Variants in MAPT observed in about 807,000 individuals in gnomAD.
MAPT encodes the protein microtubule associated protein tau.
Under a neutral mutation model 67.9 loss-of-function variants are expected in MAPT, and 34 were observed. The observed-to-expected ratio is 0.50, with a 90% CI of 0.38 to 0.67. The LOEUF (loss-of-function observed/expected upper bound fraction) is 0.67, where lower values mean the gene tolerates loss of function less well. MAPT is among the 30% of genes least tolerant of loss of function. The pLI, the probability that MAPT is intolerant of heterozygous loss-of-function variation, is 0.00. For synonymous variants in MAPT, 456 were observed against 464.5 expected (o/e 0.98, Z 0.23); for missense variants, 881 against 1,115.2 (o/e 0.79, Z 2.99).
chr17:46,005,321 T>C (rs2075338610), intron 9 of MAPT, among the ~76,000 whole-genome samples: 1 of 152,258 alleles, frequency 6.6e-6, no homozygotes, highest in African/African-American at 2.4e-5. Flanking sequence ...ATTATCAGTG[T>C]TGATGCCCTT....
chr17:46,021,265 G>C (rs1001057155), intron 12 of MAPT, among the ~76,000 whole-genome samples: 12 of 152,212 alleles, frequency 7.9e-5, no homozygotes. Flanking sequence ...ACTTTTCAGC[G>C]GCTGGGTCGC....
rs1198783408 is a variant in MAPT at position 45,941,689 on chromosome 17, TC to T, written c.-17-20630del. Reference sequence around the variant, plus strand: ...CCCCTTCCCCCCTTCCCTCCTTCCTTCCTTCCTTCCTGCCTGCCTTCCTTCC... The same window carrying T: ...CCCCTTCCCCCCTTCCCTCCTTCCTTCTTCCTTCCTGCCTGCCTTCCTTCC... On this transcript the variant is annotated intron_variant, in intron 1 of 12. Coordinates refer to ENST00000262410, the MANE Select transcript of MAPT (RefSeq NM_001377265.1). 1.7e-4 allele frequency among the ~76,000 whole-genome samples: 10 copies of T among 59,706 alleles called. 1 individual carries two copies. Among genetic ancestry groups the T allele is most frequent in the African/African-American group, 8.4e-4 (9 of 10,748 alleles). 39.2% of individuals were successfully genotyped at this position (59,706 alleles called of 152,430 possible). A position where few individuals can be genotyped will look rare whatever the true frequency, so the allele number is the denominator to read the frequency against.
chr17:46,011,320 C>T (rs1028437477), intron 10 of MAPT, among the ~76,000 whole-genome samples: 3 of 152,112 alleles, frequency 2.0e-5, no homozygotes, highest in Non-Finnish European at 4.4e-5. Flanking sequence ...TGCCTGAGTC[C>T]GGGAGGCGGA....
rs541463597 is a variant in MAPT at position 45,896,510 on chromosome 17, G to A, written c.-18+1824G>A. 1.3e-5 allele frequency: 2 copies of A among 152,430 alleles called. No individual in the cohort carries two copies. The highest frequency in any genetic ancestry group is 1.9e-4 in the East Asian group (1 of 5,180). The allele number at this position is 152,430 out of a possible 1,614,324, so 9.4% of individuals were successfully genotyped here. A position where few individuals can be genotyped will look rare whatever the true frequency, so the allele number is the denominator to read the frequency against. On this transcript the variant is annotated intron_variant, in intron 1 of 12. Coordinates refer to ENST00000262410, the MANE Select transcript of MAPT (RefSeq NM_001377265.1). This position sits in a 1 kb window ranked among gnomAD's most constrained non-coding sequence, Gnocchi z 5.6. ...AGCCCACTGGACTGGGCGCAGAGGG[G>A]GGATTGCCATGGAAACCACAGGTGT...
In MAPT at chr17:45,983,750, G is replaced by A. The variant is rs199501431; in HGVS notation, c.1171G>A (p.Ala391Thr). 2 of 1,614,182 alleles carry A rather than the reference G, an allele frequency of 1.2e-6. No individual in the cohort carries two copies. The highest frequency in any genetic ancestry group is 2.7e-5 in the African/African-American group (2 of 75,064). Residue 391 changes from alanine (A) to threonine (T), a missense_variant, in exon 5 of 13, where the codon GCG becomes ACG. Transcript: ENST00000262410. The part of the protein sequence containing the change: ...EITPNVQKEQ[A>T]HSEEHLGRAA... The stretch of plus-strand genomic sequence containing the variant: ...CACACCCAACGTGCAGAAGGAGCAG[G>A]CGCACTCGGAGGAGCATTTGGGAAG...
chr17:45,903,797 T>C (rs1454134874), intron 1 of MAPT, among the ~76,000 whole-genome samples: 1 of 63,592 alleles, frequency 1.6e-5, no homozygotes, highest in Non-Finnish European at 3.1e-5. Flanking sequence ...ATAATATATA[T>C]ATTTATATAA....
rs1437663677 is a variant in MAPT at position 45,996,856 on chromosome 17, A to G, written c.1998+192A>G. 6.6e-6 allele frequency among the ~76,000 whole-genome samples: 1 copy of G among 152,140 alleles called. No individual in the cohort carries two copies. Among genetic ancestry groups the G allele is most frequent in the Non-Finnish European group, 1.5e-5 (1 of 68,012 alleles). ...CCCCAGTCCCCTCTGGACCCTCTTC[A>G]AGGAAGTTCAGTTCTTTATTGGGCT... is the stretch of plus-strand genomic sequence containing the variant. On this transcript the variant is annotated intron_variant, in intron 9 of 12. Transcript: ENST00000262410. The surrounding 1 kb of genome is among the most constrained non-coding windows in gnomAD (Gnocchi z 4.5).
In MAPT at chr17:45,987,077, C is replaced by T. The variant is rs939730247; in HGVS notation, c.1389C>T (p.Ser463=). 39 of 1,613,754 alleles carry T rather than the reference C, an allele frequency of 2.4e-5. No homozygotes were observed. The highest frequency in any genetic ancestry group is 1.6e-4 in the Middle Eastern group (1 of 6,078). The part of the protein sequence containing the change: ...MVSKSKDGTG[S]DDKKAKTSTR... The stretch of plus-strand genomic sequence containing the variant: ...GTAAAAGCAAAGACGGGACTGGAAG[C>T]GATGACAAAAAAGCCAAGGTAAGCT... The change falls in exon 6 of 13, where the codon AGC becomes AGT. Residue 463 remains serine (S), a synonymous_variant. Coordinates refer to ENST00000262410, the MANE Select transcript of MAPT (RefSeq NM_001377265.1).
intron 1 of MAPT, among the ~76,000 whole-genome samples, chr17:45,903,980 T>G (rs1597842784): frequency 3.0e-5 from 1 of 33,828 alleles, no homozygotes; most frequent in Non-Finnish European, 5.2e-5. Flanking sequence ...ATATTATATA[T>G]TATATATTTA....
chr17:45,983,699 CT>C lies in MAPT; in HGVS notation c.1121del (p.Leu374ArgfsTer106), dbSNP rs752295502. On this transcript the variant is annotated frameshift_variant, in exon 5 of 13. Transcript: ENST00000262410. LOFTEE classifies it high-confidence loss of function. The part of the protein sequence containing the change: ...VGRAKGQDAP[L>X]EFTFHVEITP... ...GCGGGCCAAAGGGCAGGATGCCCCC[CT>C]GGAGTTCACGTTTCACGTGGAAATC... is the stretch of plus-strand genomic sequence containing the variant. 6.2e-7 allele frequency: 1 copy of C among 1,614,134 alleles called. No homozygotes were observed. Among genetic ancestry groups the C allele is most frequent in the South Asian group, 1.1e-5 (1 of 91,082 alleles).
At chr17:45,916,554 G>A (rs1208962695) in intron 1 of MAPT, among the ~76,000 whole-genome samples, 1 of 152,172 alleles carries the variant, frequency 6.6e-6, no homozygotes, top group East Asian at 1.9e-4. Flanking sequence ...TGAGAGGGAA[G>A]AGAAAGGAGG....
intron 4 of MAPT, among the ~76,000 whole-genome samples, chr17:45,980,808 C>G (rs945467800): frequency 2.6e-5 from 4 of 152,200 alleles, no homozygotes; most frequent in Admixed American, 2.6e-4. Context: ...AGCATAGGGG[C>G]AGCCCCTGCC....
intron 9 of MAPT, among the ~76,000 whole-genome samples, chr17:45,998,717 C>T (rs1210929788): frequency 2.0e-5 from 3 of 152,148 alleles, no homozygotes; most frequent in Non-Finnish European, 4.4e-5. Context: ...TGTCCTGTAC[C>T]GCAGCTGAGG....
chr17:45,991,604 T>A lies in MAPT; in HGVS notation c.1732+18T>A. On this transcript the variant is annotated intron_variant, in intron 8 of 12. Transcript: ENST00000262410. ...CAGCTCTGGTAAGAAGAACGTTCTCTTGAATCTTAGAGGAAGCTGAAGCTC... is the reference window on the plus strand; with the variant it reads ...CAGCTCTGGTAAGAAGAACGTTCTCATGAATCTTAGAGGAAGCTGAAGCTC... 1 of 1,613,994 alleles carries A rather than the reference T, an allele frequency of 6.2e-7. No individual in the cohort carries two copies. The highest frequency in any genetic ancestry group is 8.5e-7 in the Non-Finnish European group (1 of 1,179,906).
In MAPT at chr17:45,953,003, TATGATGATG is replaced by T. The variant is rs72430786; in HGVS notation, c.-17-9295_-17-9287del. ...CCAGACTCCTGGGAATCATAACACC[TATGATGATG>T]ATGATGATGATGATGATGATGACAC... On this transcript the variant is annotated intron_variant, in intron 1 of 12. Coordinates refer to ENST00000262410, the MANE Select transcript of MAPT (RefSeq NM_001377265.1). 6.7e-5 allele frequency among the ~76,000 whole-genome samples: 10 copies of T among 149,526 alleles called. No individual in the cohort carries two copies. The East Asian group carries it at 1.0e-3, about 15-fold the overall frequency.
Position 45,934,355 on chromosome 17 carries a change from A to C in MAPT, c.-17-27966A>C, listed in dbSNP as rs1376380196. Among the ~76,000 whole-genome samples, 5 of 152,354 alleles carry C rather than the reference A, an allele frequency of 3.3e-5. No homozygotes were observed. The East Asian group carries it at 9.6e-4, about 29-fold the overall frequency. ...CCTGCCTCAAAAAAATAAGTAAAAA[A>C]TAAATTAAATTTCAATCATTAGCAG... is the stretch of plus-strand genomic sequence containing the variant. On this transcript the variant is annotated intron_variant, in intron 1 of 12. Transcript: ENST00000262410.
chr17:45,904,026 AT>A (rs1338620430), intron 1 of MAPT, among the ~76,000 whole-genome samples: 374 of 26,374 alleles, frequency 0.014, 28 homozygotes, highest in Non-Finnish European at 0.02. Context: ...TATATTATAT[AT>A]TTATATATTA....
intron 1 of MAPT, among the ~76,000 whole-genome samples, chr17:45,909,030 C>T (rs1467968): frequency 0.14 from 21,839 of 152,252 alleles, 2,142 homozygotes; most frequent in Middle Eastern, 0.22. Flanking sequence ...GTCCTGGCCC[C>T]GAGCATGGCC....
intron 11 of MAPT, among the ~76,000 whole-genome samples, chr17:46,017,282 T>C (rs1397951502): frequency 1.3e-5 from 2 of 151,900 alleles, no homozygotes; most frequent in Non-Finnish European, 2.9e-5. Flanking sequence ...GGGTCCTTAT[T>C]TATTTATTTA....
Sources: allele counts gnomAD v4.1 joint callset (sites outside exome capture counted in the v4.1 genomes callset), GRCh38; gene constraint gnomAD v4.1.1; non-coding constraint Gnocchi (gnomAD v3.1); transcripts MANE v1.5; gene names NCBI Gene and HGNC (gene_info 2026-07-23, HGNC 2026-07-21).